Variants in NSG2 observed in about 807,000 individuals in gnomAD.
The protein encoded by NSG2 is neuronal vesicle trafficking-associated protein 2.
A neutral mutation model predicts 16.9 loss-of-function variants in NSG2; 4 were observed. That is an observed-to-expected ratio of 0.24 (90% CI 0.12 to 0.54). The LOEUF (loss-of-function observed/expected upper bound fraction) is 0.54, where lower values mean the gene tolerates loss of function less well. Among genes scored for constraint, NSG2 ranks in the 20% least tolerant of loss-of-function variants. NSG2 has a pLI of 0.95. For synonymous variants in NSG2, 98 were observed against 88.7 expected, an observed-to-expected ratio of 1.11 and a Z score of -0.59; for missense variants, 179 against 221.1, an observed-to-expected ratio of 0.81 and a Z score of 1.21.
At position 174,087,393 on chromosome 5, in the gene NSG2, A is replaced by C. The variant is rs550907389; in HGVS notation, c.214-16835A>C. 2.6e-5 allele frequency among the ~76,000 whole-genome samples: 4 copies of C among 152,310 alleles called. No individual in the cohort carries two copies. In the East Asian group the frequency reaches 7.7e-4, roughly 29 times the overall value. ...TCATTAATTGAGTTTCCTTATAGGC[A>C]GGTGACTTAACTACTCCGTGTTTCA... On this transcript the variant is annotated intron_variant, in intron 3 of 4. Coordinates refer to ENST00000303177, the MANE Select transcript of NSG2 (RefSeq NM_015980.5).
chr5:174,061,841 G>T (rs1760057782), intron 2 of NSG2, among the ~76,000 whole-genome samples: 2 of 151,096 alleles, frequency 1.3e-5, no homozygotes, highest in Admixed American at 1.3e-4. Context: ...TTGACCCCAT[G>T]ATCCACCCGC....
intron 3 of NSG2, among the ~76,000 whole-genome samples, chr5:174,100,290 G>A (rs910985998): frequency 5.3e-5 from 8 of 152,238 alleles, no homozygotes; most frequent in African/African-American, 9.6e-5. Context: ...TGGGGGCTTC[G>A]AAACATGCTG....
chr5:174,085,903 C>T (rs1019352253), intron 3 of NSG2, among the ~76,000 whole-genome samples: 3 of 152,188 alleles, frequency 2.0e-5, no homozygotes, highest in Non-Finnish European at 4.4e-5. Context: ...TTCGTCAAAC[C>T]GTTGTTGTTA....
At chr5:174,065,200 C>T (rs1445939084) in intron 3 of NSG2, among the ~76,000 whole-genome samples, 2 of 151,388 alleles carry the variant, frequency 1.3e-5, no homozygotes, top group African/African-American at 2.4e-5. Flanking sequence ...TAGTGGCGGG[C>T]GCCTGTAATC....
intron 4 of NSG2, among the ~76,000 whole-genome samples, chr5:174,105,443 C>T (rs1408111404): frequency 6.6e-6 from 1 of 152,140 alleles, no homozygotes; most frequent in Non-Finnish European, 1.5e-5. Flanking sequence ...AGTCTTGGCT[C>T]CTAACAACGT....
chr5:174,070,980 A>T, intron 3 of NSG2, among the ~76,000 whole-genome samples: 1 of 152,218 alleles, frequency 6.6e-6, no homozygotes, highest in East Asian at 1.9e-4. Flanking sequence ...CTGATCCAGC[A>T]TTCAGAGAAT....
intron 3 of NSG2, among the ~76,000 whole-genome samples, chr5:174,091,811 A>C (rs1180219012): frequency 6.6e-6 from 1 of 152,156 alleles, no homozygotes; most frequent in Non-Finnish European, 1.5e-5. Flanking sequence ...GTCTTGCTTT[A>C]CTACTAATTG....
chr5:174,078,764 G>T (rs1280692363), intron 3 of NSG2, among the ~76,000 whole-genome samples: 2 of 152,146 alleles, frequency 1.3e-5, no homozygotes, highest in East Asian at 3.9e-4. Context: ...ACCATGTGAG[G>T]ACACAGATAG....
chr5:174,076,032 A>G lies in NSG2; in HGVS notation c.213+11717A>G, dbSNP rs895761784. Among the ~76,000 whole-genome samples, 36 of 152,188 alleles carry G rather than the reference A, an allele frequency of 2.4e-4. 1 individual carries two copies. The highest frequency in any genetic ancestry group is 2.8e-4 in the Non-Finnish European group (19 of 68,028). ...TTCTTGACAACCTGAACCCAGTTTTACTTTGCAATCTGACAGACCTGGTTT... is the reference window on the plus strand; with the variant it reads ...TTCTTGACAACCTGAACCCAGTTTTGCTTTGCAATCTGACAGACCTGGTTT... On this transcript the variant is annotated intron_variant, in intron 3 of 4. Transcript: ENST00000303177.
chr5:174,091,823 C>T (rs1760726330), intron 3 of NSG2, among the ~76,000 whole-genome samples: 1 of 152,150 alleles, frequency 6.6e-6, no homozygotes, highest in African/African-American at 2.4e-5. Context: ...TACTAATTGG[C>T]TGGATAATCC....
In NSG2 at chr5:174,104,585, T is replaced by C. The variant is rs553192469; in HGVS notation, c.324+247T>C. 2.0e-5 allele frequency among the ~76,000 whole-genome samples: 3 copies of C among 152,304 alleles called. No individual in the cohort carries two copies. In the South Asian group the frequency reaches 6.2e-4, roughly 32 times the overall value. On this transcript the variant is annotated intron_variant, in intron 4 of 4. Coordinates refer to ENST00000303177, the MANE Select transcript of NSG2 (RefSeq NM_015980.5). ...GAGGTGGTCCAGCTTGGACGGCACA[T>C]CAGCAATGAGGGAAGCAGCTCACTA...
At chr5:174,092,480 G>A (rs1235108503) in intron 3 of NSG2, among the ~76,000 whole-genome samples, 2 of 152,210 alleles carry the variant, frequency 1.3e-5, no homozygotes, top group African/African-American at 2.4e-5. Context: ...GCCCTTGAGG[G>A]GCTGTCAGTT....
At chr5:174,046,181 T>C (rs1759792252) in intron 1 of NSG2, 1 of 152,128 alleles carries the variant, frequency 6.6e-6, no homozygotes, top group Non-Finnish European at 1.5e-5. Context: ...TAGCCTTTTT[T>C]TTGTTTGTTT....
rs566556172 is a variant in NSG2 at position 174,102,195 on chromosome 5, G to A, written c.214-2033G>A. Among the ~76,000 whole-genome samples the A allele has an allele frequency of 2.6e-4, 40 of 152,306 alleles. 1 individual carries two copies. Among genetic ancestry groups the A allele is most frequent in the Non-Finnish European group, 3.5e-4 (24 of 68,024 alleles). ...GGTGTCTGCCCATGAGATTTGGACA[G>A]AATCCTCCCGACATCCATCTTCCTC... On this transcript the variant is annotated intron_variant, in intron 3 of 4. Coordinates refer to ENST00000303177, the MANE Select transcript of NSG2 (RefSeq NM_015980.5).
intron 4 of NSG2, among the ~76,000 whole-genome samples, chr5:174,105,177 TAG>T (rs1485862068): frequency 2.6e-5 from 4 of 152,242 alleles, no homozygotes; most frequent in Non-Finnish European, 5.9e-5. Flanking sequence ...GAATTAAATG[TAG>T]AGAGTGTTTA....
At chr5:174,081,517 A>G (rs1760465055) in intron 3 of NSG2, 1 of 152,162 alleles carries the variant, frequency 6.6e-6, no homozygotes, top group Non-Finnish European at 1.5e-5. Flanking sequence ...TTGCTAATAC[A>G]TTACTGTATT....
At position 174,107,768 on chromosome 5, in the gene NSG2, T is replaced by A. The variant is rs1400255757; in HGVS notation, c.*263T>A. On this transcript the variant is annotated 3_prime_UTR_variant, in exon 5 of 5. Transcript: ENST00000303177. This position sits in a 1 kb window ranked among gnomAD's most constrained non-coding sequence, Gnocchi z 4.5. The stretch of plus-strand genomic sequence containing the variant: ...GCATGTTTCGTGTTGATTGTTCCCA[T>A]GTAAGATATTTTTAAAGCCACTGCT... The A allele has an allele frequency of 3.1e-6, 2 of 651,510 alleles. No individual in the cohort carries two copies. Among genetic ancestry groups the A allele is most frequent in the East Asian group, 3.0e-5 (1 of 33,142 alleles). The allele number at this position is 651,510 out of a possible 1,614,324, so 40.4% of individuals were successfully genotyped here. A position where few individuals can be genotyped will look rare whatever the true frequency, so the allele number is the denominator to read the frequency against.
At chr5:174,058,490 A>C (rs1036896909) in intron 2 of NSG2, among the ~76,000 whole-genome samples, 1 of 152,190 alleles carries the variant, frequency 6.6e-6, no homozygotes, top group Non-Finnish European at 1.5e-5. Flanking sequence ...GAGTGAGAAC[A>C]TGCAGAGGGG....
chr5:174,048,957 G>GT (rs890798342), intron 2 of NSG2, among the ~76,000 whole-genome samples: 25 of 152,202 alleles, frequency 1.6e-4, no homozygotes, highest in Admixed American at 3.3e-4. Flanking sequence ...TCAGTTTCCT[G>GT]TTTTTTTGAT....
Sources: allele counts gnomAD v4.1 joint callset (sites outside exome capture counted in the v4.1 genomes callset), GRCh38; gene constraint gnomAD v4.1.1; non-coding constraint Gnocchi (gnomAD v3.1); transcripts MANE v1.5; gene names NCBI Gene and HGNC (gene_info 2026-07-23, HGNC 2026-07-21).